The following ELMO1 variants were observed in gnomAD, a reference collection of about 807,000 sequenced individuals.
ELMO1 encodes the protein engulfment and cell motility 1, also known as engulfment and cell motility protein 1.
A neutral mutation model predicts 98.9 loss-of-function variants in ELMO1; 26 were observed. The observed-to-expected ratio is 0.26, with a 90% CI of 0.19 to 0.36. The LOEUF (loss-of-function observed/expected upper bound fraction) is 0.36, where lower values mean the gene tolerates loss of function less well. Ranked by LOEUF, ELMO1 falls within the 10% of genes least tolerant of loss-of-function variation. ELMO1 has a pLI of 1.00. For synonymous variants in ELMO1, 346 were observed against 346.0 expected (o/e 1.00, Z 0.00); for missense variants, 627 against 935.2 (o/e 0.67, Z 4.30).
intron 1 of ELMO1, among the ~76,000 whole-genome samples, chr7:37,436,911 A>G (rs377419964): frequency 7.9e-5 from 12 of 152,322 alleles, no homozygotes; most frequent in African/African-American, 2.6e-4. Context: ...TTCTATTTTT[A>G]TTCCCAGGAT....
chr7:37,436,512 G>T (rs924886922), intron 1 of ELMO1, among the ~76,000 whole-genome samples: 2 of 152,184 alleles, frequency 1.3e-5, no homozygotes, highest in African/African-American at 4.8e-5. Flanking sequence ...GTTTCTGTTT[G>T]GCACATGGCT....
intron 13 of ELMO1, among the ~76,000 whole-genome samples, chr7:37,210,179 T>C (rs964683713): frequency 6.6e-6 from 1 of 152,152 alleles, no homozygotes; most frequent in African/African-American, 2.4e-5. Context: ...CTTGAAAACA[T>C]ATCTCATACA....
chr7:37,090,658 G>T (rs1435350870), intron 15 of ELMO1, among the ~76,000 whole-genome samples: 1 of 152,140 alleles, frequency 6.6e-6, no homozygotes, highest in East Asian at 1.9e-4. Flanking sequence ...ATATCTCTTT[G>T]TCTTTGTGAA....
At chr7:37,232,106 G>T (rs1443063927) in intron 8 of ELMO1, among the ~76,000 whole-genome samples, 1 of 152,060 alleles carries the variant, frequency 6.6e-6, no homozygotes, top group African/African-American at 2.4e-5. Flanking sequence ...ACCTGCGCTG[G>T]CCTCCCAAAG....
At chr7:37,031,045 A>G (rs1371482113) in intron 15 of ELMO1, among the ~76,000 whole-genome samples, 1 of 152,026 alleles carries the variant, frequency 6.6e-6, no homozygotes, top group Non-Finnish European at 1.5e-5. Context: ...CTCAATCACC[A>G]TCTCACAAAT....
chr7:36,904,584 C>T (rs7776759), intron 16 of ELMO1, among the ~76,000 whole-genome samples: 69,829 of 152,076 alleles, frequency 0.46, 17,453 homozygotes, highest in Non-Finnish European at 0.56. Flanking sequence ...CTGCCCTGCA[C>T]CTCATGAGAA....
chr7:37,191,048 G>C (rs1584786433), intron 13 of ELMO1, among the ~76,000 whole-genome samples: 1 of 151,580 alleles, frequency 6.6e-6, no homozygotes, highest in Non-Finnish European at 1.5e-5. Context: ...AATTAGCCGG[G>C]TGTGGTGGTG....
At chr7:37,256,222 G>C (rs992143072) in intron 6 of ELMO1, among the ~76,000 whole-genome samples, 43 of 151,948 alleles carry the variant, frequency 2.8e-4, no homozygotes. Context: ...TCCACGTTGA[G>C]GTATGCCCAA....
At chr7:37,297,089 G>C (rs1358720172) in intron 4 of ELMO1, among the ~76,000 whole-genome samples, 3 of 152,090 alleles carry the variant, frequency 2.0e-5, no homozygotes, top group Non-Finnish European at 4.4e-5. Flanking sequence ...TATGCATGGG[G>C]GAGGAGGAAA....
In ELMO1 at chr7:37,331,815, A is replaced by G. The variant is rs76472574; in HGVS notation, c.78+10798T>C. 8.3e-3 allele frequency among the ~76,000 whole-genome samples: 1,271 copies of G among 152,324 alleles called. 14 individuals are homozygous for G. The highest frequency in any genetic ancestry group is 0.029 in the African/African-American group (1,221 of 41,570). On this transcript the variant is annotated intron_variant, in intron 2 of 21. Coordinates refer to ENST00000310758, the MANE Select transcript of ELMO1 (RefSeq NM_014800.11). ...AGTCTAAAAGACACAACATGGTGTCAGCTTGAGCAAACTGGGTGTAGTTCA... is the reference window on the plus strand; with the variant it reads ...AGTCTAAAAGACACAACATGGTGTCGGCTTGAGCAAACTGGGTGTAGTTCA...
intron 21 of ELMO1, among the ~76,000 whole-genome samples, chr7:36,856,353 T>C (rs1802195908): frequency 6.6e-6 from 1 of 152,328 alleles, no homozygotes; most frequent in South Asian, 2.1e-4. Context: ...GCCCAGTGTC[T>C]GGCAGCCAAA....
intron 14 of ELMO1, among the ~76,000 whole-genome samples, chr7:37,103,205 T>C (rs1203503528): frequency 2.0e-5 from 3 of 152,208 alleles, no homozygotes; most frequent in Admixed American, 6.5e-5. Context: ...CTATTTGCAT[T>C]TCTGAAATAT....
At chr7:37,204,201 T>C (rs530319326) in intron 13 of ELMO1, 155 of 456,186 alleles carry the variant, frequency 3.4e-4, no homozygotes, top group Non-Finnish European at 6.1e-4. Flanking sequence ...GGGTTCTTGG[T>C]CTTGCTGACT....
intron 20 of ELMO1, among the ~76,000 whole-genome samples, chr7:36,865,118 A>AC (rs1802931367): frequency 6.6e-6 from 1 of 152,194 alleles, no homozygotes; most frequent in Non-Finnish European, 1.5e-5. Flanking sequence ...GTTGTATGCA[A>AC]CATATTTTCA....
At chr7:37,066,579 G>A (rs951443603) in intron 15 of ELMO1, among the ~76,000 whole-genome samples, 2 of 152,146 alleles carry the variant, frequency 1.3e-5, no homozygotes, top group African/African-American at 2.4e-5. Context: ...CTATACCACC[G>A]TAGGATGACT....
At chr7:36,945,574 T>C (rs1450640097) in intron 16 of ELMO1, among the ~76,000 whole-genome samples, 2 of 152,196 alleles carry the variant, frequency 1.3e-5, no homozygotes, top group Admixed American at 6.5e-5. Context: ...AGTTGAAAAA[T>C]AAGAATGCCT....
intron 13 of ELMO1, among the ~76,000 whole-genome samples, chr7:37,201,843 G>A (rs1048970265): frequency 1.3e-5 from 2 of 152,232 alleles, no homozygotes. Context: ...GAAGTTATTA[G>A]AACTGAGGTC....
intron 13 of ELMO1, among the ~76,000 whole-genome samples, chr7:37,179,434 C>G (rs561171066): frequency 2.0e-5 from 3 of 151,928 alleles, no homozygotes; most frequent in Non-Finnish European, 4.4e-5. Context: ...CCCGCCACCA[C>G]GACCGGCTAA....
chr7:36,909,005 G>A (rs1304394798), intron 16 of ELMO1, among the ~76,000 whole-genome samples: 2 of 152,150 alleles, frequency 1.3e-5, no homozygotes, highest in Non-Finnish European at 2.9e-5. Context: ...AAGTCTCAGG[G>A]CATTTATACT....
Sources: gnomAD v4.1 joint callset for allele counts (sites outside exome capture counted in the v4.1 genomes callset) on GRCh38, gnomAD v4.1.1 for gene constraint, MANE v1.5 for transcripts, NCBI Gene and HGNC (gene_info 2026-07-23, HGNC 2026-07-21) for gene names.